The following AMPH variants were observed in gnomAD, a reference collection of about 807,000 sequenced individuals.
AMPH encodes amphiphysin (Stiff-Mann syndrome with breast cancer 128kD autoantigen).
A neutral mutation model predicts 99.1 loss-of-function variants in AMPH; 49 were observed. The ratio of observed to expected loss-of-function variants is 0.49; its 90% CI spans 0.39 to 0.63. AMPH has a LOEUF of 0.63. Ranked by LOEUF, AMPH falls within the 20% of genes least tolerant of loss-of-function variation. The pLI is 0.00. For missense variants in AMPH, 759 were observed against 863.4 expected (o/e 0.88, Z 1.52); for synonymous variants, 314 against 317.3 (o/e 0.99, Z 0.11).
intron 2 of AMPH, among the ~76,000 whole-genome samples, chr7:38,521,650 T>A (rs1012819384): frequency 1.9e-4 from 29 of 152,310 alleles, no homozygotes; most frequent in Admixed American, 3.9e-4. Flanking sequence ...TCTTTTTTTT[T>A]AATACTTCAT....
At chr7:38,441,806 A>ATCATATCTATCATATATC (rs1267958196) in intron 11 of AMPH, among the ~76,000 whole-genome samples, 2 of 87,352 alleles carry the variant, frequency 2.3e-5, no homozygotes, top group African/African-American at 8.6e-5. Flanking sequence ...TATCATATAT[A>ATCATATCTATCATATATC]TATCATATAT....
intron 1 of AMPH, among the ~76,000 whole-genome samples, chr7:38,568,406 A>G (rs1791823061): frequency 6.6e-6 from 1 of 152,196 alleles, no homozygotes; most frequent in Non-Finnish European, 1.5e-5. Context: ...TGGAGGTTGC[A>G]GTAAGCCAAG....
Position 38,389,571 on chromosome 7 carries a change from G to A in AMPH, c.1980+233C>T, listed in dbSNP as rs184589519. On this transcript the variant is annotated intron_variant, in intron 20 of 20. Transcript: ENST00000356264. ...GATAACATTCCCAGAAAGTGGTTAC[G>A]TGATAAGAAACAGTCAACTGTTTGT... Among the ~76,000 whole-genome samples the A allele has an allele frequency of 5.9e-5, 9 of 152,250 alleles. No individual in the cohort carries two copies. The East Asian group carries it at 9.7e-4, about 16-fold the overall frequency.
At chr7:38,612,313 T>C (rs1793716095) in intron 1 of AMPH, among the ~76,000 whole-genome samples, 1 of 151,996 alleles carries the variant, frequency 6.6e-6, no homozygotes, top group South Asian at 2.1e-4. Context: ...TGATGTCAGG[T>C]GATCCACCCA....
intron 5 of AMPH, among the ~76,000 whole-genome samples, chr7:38,479,240 C>A: frequency 6.6e-6 from 1 of 152,034 alleles, no homozygotes; most frequent in East Asian, 1.9e-4. Context: ...GGATGCTAAT[C>A]TTCAGAAACC....
At chr7:38,506,896 A>T (rs1403079770) in intron 2 of AMPH, among the ~76,000 whole-genome samples, 1 of 152,168 alleles carries the variant, frequency 6.6e-6, no homozygotes, top group Non-Finnish European at 1.5e-5. Flanking sequence ...CTTCCATGGA[A>T]ATGTGTGAGG....
At chr7:38,587,399 C>T (rs996003988) in intron 1 of AMPH, among the ~76,000 whole-genome samples, 3 of 152,150 alleles carry the variant, frequency 2.0e-5, no homozygotes, top group African/African-American at 7.2e-5. Context: ...AAACTGTCAG[C>T]TTAAACTCCC....
chr7:38,410,314 A>T (rs1785177055), intron 17 of AMPH, among the ~76,000 whole-genome samples: 1 of 152,086 alleles, frequency 6.6e-6, no homozygotes, highest in Non-Finnish European at 1.5e-5. Context: ...AAACTCCCAA[A>T]CCTGACCCTG....
chr7:38,438,758 C>T (rs1286402361), intron 11 of AMPH, among the ~76,000 whole-genome samples: 1 of 152,056 alleles, frequency 6.6e-6, no homozygotes, highest in Non-Finnish European at 1.5e-5. Flanking sequence ...TTCTTTGAGC[C>T]TCGGTTTCTT....
At chr7:38,610,052 C>T (rs545511057) in intron 1 of AMPH, among the ~76,000 whole-genome samples, 1 of 151,148 alleles carries the variant, frequency 6.6e-6, no homozygotes, top group South Asian at 2.1e-4. Context: ...GCCTGACCAA[C>T]GTGGAGAAAC....
At chr7:38,463,465 C>T (rs1787533847) in intron 9 of AMPH, among the ~76,000 whole-genome samples, 3 of 152,232 alleles carry the variant, frequency 2.0e-5, no homozygotes, top group African/African-American at 7.2e-5. Context: ...TGCAAGCCCT[C>T]TGTTCTTTCA....
intron 11 of AMPH, among the ~76,000 whole-genome samples, chr7:38,440,338 A>G (rs886582047): frequency 3.3e-5 from 5 of 152,228 alleles, no homozygotes; most frequent in African/African-American, 1.2e-4. Flanking sequence ...TTTCTAAAAT[A>G]AAAATTCAAT....
chr7:38,458,934 C>T (rs1584118565), intron 11 of AMPH, among the ~76,000 whole-genome samples: 1 of 152,084 alleles, frequency 6.6e-6, no homozygotes, highest in Non-Finnish European at 1.5e-5. Context: ...AATTGTTCCT[C>T]TTTGCTGATA....
chr7:38,475,947 T>C (rs1167614219), intron 6 of AMPH, among the ~76,000 whole-genome samples: 2 of 152,216 alleles, frequency 1.3e-5, no homozygotes, highest in South Asian at 4.1e-4. Context: ...TGAAATGGAA[T>C]TCCAGCTTAC....
chr7:38,594,975 C>A (rs986018888), intron 1 of AMPH, among the ~76,000 whole-genome samples: 2 of 152,142 alleles, frequency 1.3e-5, no homozygotes, highest in African/African-American at 4.8e-5. Context: ...GCTTAGGCCA[C>A]TGTTGTGGTG....
chr7:38,447,123 G>T (rs6462843), intron 11 of AMPH, among the ~76,000 whole-genome samples: 2 of 152,000 alleles, frequency 1.3e-5, no homozygotes, highest in East Asian at 3.9e-4. Context: ...GGGTTCAAGC[G>T]ATTCTCCTGC....
chr7:38,535,781 C>T (rs112855575), intron 1 of AMPH, among the ~76,000 whole-genome samples: 4 of 152,220 alleles, frequency 2.6e-5, no homozygotes, highest in African/African-American at 9.6e-5. Context: ...GTTTGCTCTC[C>T]TATGAGAACC....
chr7:38,460,496 A>G (rs1486179433), intron 11 of AMPH, among the ~76,000 whole-genome samples: 2 of 152,226 alleles, frequency 1.3e-5, no homozygotes, highest in Non-Finnish European at 1.5e-5. Context: ...ACACAATGGT[A>G]TAGACACACA....
intron 1 of AMPH, among the ~76,000 whole-genome samples, chr7:38,554,706 A>AGC: frequency 6.6e-6 from 1 of 152,230 alleles, no homozygotes; most frequent in South Asian, 2.1e-4. Flanking sequence ...CTTGTTTTCA[A>AGC]TGCATTGCTG....
Sources: gnomAD v4.1 joint callset for allele counts (sites outside exome capture counted in the v4.1 genomes callset) on GRCh38, gnomAD v4.1.1 for gene constraint, MANE v1.5 for transcripts, NCBI Gene and HGNC (gene_info 2026-07-23, HGNC 2026-07-21) for gene names.